The following JCAD variants were observed in gnomAD, a reference collection of about 807,000 sequenced individuals.
The protein encoded by JCAD is junctional cadherin 5-associated protein.
In JCAD, 40 loss-of-function variants were observed where a neutral mutation model predicts 98.0. The ratio of observed to expected loss-of-function variants is 0.41; its 90% confidence interval spans 0.32 to 0.53. The LOEUF (loss-of-function observed/expected upper bound fraction) is 0.53, where lower values mean the gene tolerates loss of function less well. JCAD is among the 20% of genes least tolerant of loss of function. The probability of loss-of-function intolerance (pLI) is 0.31; values close to 1 mark genes in which losing one functional copy is unlikely to be tolerated. For synonymous variants in JCAD, 691 were observed against 682.3 expected (o/e 1.01, Z -0.20); for missense variants, 1,705 against 1,738.1 (o/e 0.98, Z 0.34).
intron 1 of JCAD, among the ~76,000 whole-genome samples, chr10:30,086,042 G>T (rs1838161699): frequency 6.6e-6 from 1 of 151,842 alleles, no homozygotes; most frequent in South Asian, 2.1e-4. Flanking sequence ...ATTGGAAAAT[G>T]GGAAATTTAG....
intron 2 of JCAD, among the ~76,000 whole-genome samples, chr10:30,042,369 A>T (rs1837259396): frequency 6.6e-6 from 1 of 150,560 alleles, no homozygotes; most frequent in Non-Finnish European, 1.5e-5. Flanking sequence ...CTCCCCTCTG[A>T]TCGGAGCGGG....
rs1018102361 is a variant in JCAD at position 30,028,840 on chromosome 10, T to C, written c.1308A>G (p.Leu436=). 4 of 1,614,042 alleles carry C rather than the reference T, an allele frequency of 2.5e-6. No individual in the cohort carries two copies. Among genetic ancestry groups the C allele is most frequent in the Non-Finnish European group, 3.4e-6 (4 of 1,180,034 alleles). Residue 436 remains leucine (L), a synonymous_variant, in exon 3 of 4, where the codon CTA becomes CTG. Transcript: ENST00000375377. ...CTTCACAGAAACCCTGGGGCTGAGC[T>C]AGTTTAAAATGTCGTAACCGTGGAT... ...FDDPRLRHFK[L]AQPQGFCEDI... is the part of the protein sequence containing the mutation.
At chr10:30,057,473 T>A (rs530675925) in intron 1 of JCAD, among the ~76,000 whole-genome samples, 1 of 152,294 alleles carries the variant, frequency 6.6e-6, no homozygotes, top group South Asian at 2.1e-4. Context: ...ACCACAGGCT[T>A]CTGGAATCTG....
intron 1 of JCAD, among the ~76,000 whole-genome samples, chr10:30,114,008 C>T (rs997839520): frequency 6.6e-6 from 1 of 152,156 alleles, no homozygotes; most frequent in African/African-American, 2.4e-5. Context: ...ATTGTGTCTA[C>T]GACTCGTCAG....
At chr10:30,042,590 C>T (rs1309136618) in intron 2 of JCAD, among the ~76,000 whole-genome samples, 1 of 142,192 alleles carries the variant, frequency 7.0e-6, no homozygotes, top group Admixed American at 6.8e-5. Flanking sequence ...AACAAGTACC[C>T]GGAGACGCAC....
rs557102292 is a variant in JCAD, at chr10:30,016,867, C to T, written c.*1016G>A. ...CTTTGTGAAAAGTTTCTTTTATTAA[C>T]CCTGTGATATGTCTATATTGACATT... On this transcript the variant is annotated 3_prime_UTR_variant, in exon 4 of 4. Transcript: ENST00000375377. 7 of 152,140 alleles carry T rather than the reference C, an allele frequency of 4.6e-5. No homozygotes were observed. The highest frequency in any genetic ancestry group is 1.5e-5 in the Non-Finnish European group (1 of 68,012). 9.4% of individuals were successfully genotyped at this position (152,140 alleles called of 1,614,324 possible).
chr10:30,084,087 GAGAA>G (rs1453768126), intron 1 of JCAD, among the ~76,000 whole-genome samples: 2 of 149,838 alleles, frequency 1.3e-5, no homozygotes, highest in South Asian at 2.1e-4. Context: ...GAAAGAGTGA[GAGAA>G]AGAAAGGGAG....
rs1589682131 is a variant in JCAD, at chr10:30,029,004, C to G, written c.1144G>C (p.Ala382Pro). The stretch of plus-strand genomic sequence containing the variant: ...GGGCCTGAAGGAGGCTGACCGCTGG[C>G]CCCAGCCTTCTCGGTCGGAGACTGC... ...QQQSPTEKAG[A>P]SGQPPSGPPG... Residue 382 changes from alanine (A) to proline (P), a missense_variant, in exon 3 of 4, where the codon GCC becomes CCC. Around this residue, in one of 3 missense-constraint regions of JCAD, gnomAD observed 1,278 missense variants for 1,243.1 expected, o/e 1.03. Transcript: ENST00000375377. 6.2e-7 allele frequency: 1 copy of G among 1,614,052 alleles called. No individual in the cohort carries two copies. Among genetic ancestry groups the G allele is most frequent in the Non-Finnish European group, 8.5e-7 (1 of 1,180,022 alleles).
intron 1 of JCAD, among the ~76,000 whole-genome samples, chr10:30,114,183 A>T (rs1838753367): frequency 6.6e-6 from 1 of 152,122 alleles, no homozygotes; most frequent in African/African-American, 2.4e-5. Flanking sequence ...CTTCAACCTC[A>T]CCCGTAATCT....
chr10:30,087,961 C>T (rs1838192692), intron 1 of JCAD, among the ~76,000 whole-genome samples: 1 of 152,202 alleles, frequency 6.6e-6, no homozygotes, highest in Non-Finnish European at 1.5e-5. Flanking sequence ...CTGCCTCAGC[C>T]TCCAGAGTAG....
chr10:30,089,513 C>CGTGTGTGTGTGTGTGT lies in JCAD; in HGVS notation n.129-19708_129-19693dup, dbSNP rs58665379. On this transcript the variant is annotated intron_variant and non_coding_transcript_variant, in intron 1 of 2. Coordinates refer to the JCAD transcript ENST00000465712. ...GAGTGTGAAATGTGGATGCTTCTTC[C>CGTGTGTGTGTGTGTGT]GTGTGTGTGTGTGTGTGTGTGTGTG... Among the ~76,000 whole-genome samples, 279 of 143,028 alleles carry CGTGTGTGTGTGTGTGT rather than the reference C, an allele frequency of 2.0e-3. 2 individuals are homozygous for CGTGTGTGTGTGTGTGT. Among genetic ancestry groups the CGTGTGTGTGTGTGTGT allele is most frequent in the African/African-American group, 6.1e-3 (231 of 38,156 alleles). The allele number at this position is 143,028 out of a possible 152,430, so 93.8% of individuals were successfully genotyped here.
intron 1 of JCAD, among the ~76,000 whole-genome samples, chr10:30,098,156 C>A (rs543736597): frequency 6.6e-6 from 1 of 152,300 alleles, no homozygotes; most frequent in South Asian, 2.1e-4. Context: ...CTGCGACCCT[C>A]GGGTCTGCCT....
chr10:30,100,861 T>A (rs898971274), intron 1 of JCAD, among the ~76,000 whole-genome samples: 1 of 152,150 alleles, frequency 6.6e-6, no homozygotes, highest in Non-Finnish European at 1.5e-5. Context: ...TAGGGAGACA[T>A]GAGACATCAG....
In JCAD at chr10:30,014,850, C is replaced by G. The variant is rs1836502390; in HGVS notation, c.*3033G>C. The G allele has an allele frequency of 6.6e-6, 1 of 152,156 alleles. No homozygotes were observed. Among genetic ancestry groups the G allele is most frequent in the African/African-American group, 2.4e-5 (1 of 41,426 alleles). The allele number at this position is 152,156 out of a possible 1,614,324, so 9.4% of individuals were successfully genotyped here. A position where few individuals can be genotyped will look rare whatever the true frequency, so the allele number is the denominator to read the frequency against. On this transcript the variant is annotated 3_prime_UTR_variant, in exon 4 of 4. Transcript: ENST00000375377. ...ATTTCCACGTGAATGAAACCCGCAA[C>G]CTACAACTCTGCTAAGGAAACCAGG...
At chr10:30,068,121 G>A (rs1334981455) in intron 2 of JCAD, among the ~76,000 whole-genome samples, 6 of 152,174 alleles carry the variant, frequency 3.9e-5, no homozygotes, top group Non-Finnish European at 7.3e-5. Context: ...GGGTGCGGTG[G>A]CTCAGGCCTG....
chr10:30,092,127 A>ATATATATATATATATGTATATAT (rs1589715617), intron 1 of JCAD, among the ~76,000 whole-genome samples: 1 of 80,892 alleles, frequency 1.2e-5, no homozygotes, highest in African/African-American at 5.8e-5. Flanking sequence ...TATATATATA[A>ATATATATATATATATGTATATAT]AAAACATTTT....
chr10:30,043,588 C>T (rs1194747444), intron 2 of JCAD, among the ~76,000 whole-genome samples: 2 of 80,976 alleles, frequency 2.5e-5, no homozygotes, highest in Non-Finnish European at 7.2e-5. Context: ...TAGGCCTCTC[C>T]CAGACAGGAA....
At position 30,028,926 on chromosome 10, in the gene JCAD, G is replaced by T; in HGVS notation, c.1222C>A (p.Pro408Thr). 6.2e-7 allele frequency: 1 copy of T among 1,614,106 alleles called. No homozygotes were observed. Among genetic ancestry groups the T allele is most frequent in the Non-Finnish European group, 8.5e-7 (1 of 1,180,002 alleles). ...GCAGTGACAGGTCGGGGATGTGCGG[G>T]GAGCCCCTGAGGCAAGCGGGGGCTC... ...GVSPRLPQGL[P>T]AHPRPVTAYD... The change falls in exon 3 of 4, where the codon CCC (proline) becomes ACC (threonine). Residue 408 changes from proline (P) to threonine (T), a missense_variant. This residue lies in a region of JCAD where 1,278 missense variants were observed against 1,243.1 expected (regional missense o/e 1.03). Coordinates refer to ENST00000375377, the MANE Select transcript of JCAD (RefSeq NM_020848.4).
rs148789455 is a variant in JCAD, at chr10:30,022,810, A to C, written c.4045+3293T>G. ...TACTGTCATCTAGTGACGTCATGTC[A>C]TAGTGCAATCAATTTTTAAACAAAT... On this transcript the variant is annotated intron_variant, in intron 3 of 3. Transcript: ENST00000375377. Among the ~76,000 whole-genome samples, 233 of 152,306 alleles carry C rather than the reference A, an allele frequency of 1.5e-3. 1 individual carries two copies. Among genetic ancestry groups the C allele is most frequent in the African/African-American group, 5.4e-3 (225 of 41,558 alleles).
Sources: allele counts gnomAD v4.1 joint callset (sites outside exome capture counted in the v4.1 genomes callset), GRCh38; gene constraint gnomAD v4.1.1; regional missense constraint gnomAD v4.1.1; transcripts MANE v1.5; gene names NCBI Gene and HGNC (gene_info 2026-07-23, HGNC 2026-07-21).